Variants in SLC12A8 observed in about 807,000 individuals in gnomAD.
SLC12A8 encodes cation-chloride cotransporter 9.
A neutral mutation model predicts 75.6 loss-of-function variants in SLC12A8; 69 were observed. The observed-to-expected ratio is 0.91, with a 90% CI of 0.75 to 1.11. SLC12A8 has a LOEUF of 1.11. Ranked by LOEUF, SLC12A8 falls within the 50% of genes most tolerant of loss-of-function variation. SLC12A8 has a pLI of 0.00. For synonymous variants in SLC12A8, 365 were observed against 372.8 expected (o/e 0.98, Z 0.24); for missense variants, 877 against 896.7 (o/e 0.98, Z 0.28).
At chr3:125,139,903 A>C (rs958748854) in intron 5 of SLC12A8, among the ~76,000 whole-genome samples, 6 of 152,170 alleles carry the variant, frequency 3.9e-5, no homozygotes, top group Admixed American at 1.3e-4. Flanking sequence ...CACATTTTGC[A>C]TACCATTTTG....
intron 8 of SLC12A8, among the ~76,000 whole-genome samples, chr3:125,112,903 C>T (rs1041411784): frequency 6.6e-6 from 1 of 152,136 alleles, no homozygotes; most frequent in African/African-American, 2.4e-5. Context: ...AATGTGCAGC[C>T]GATGTGGAGA....
intron 4 of SLC12A8, among the ~76,000 whole-genome samples, 169 bp from the exon 5 acceptor site, chr3:125,178,143 C>T (rs1376921715): frequency 6.6e-6 from 1 of 152,152 alleles, no homozygotes; most frequent in Non-Finnish European, 1.5e-5. Flanking sequence ...CACCCGTGAA[C>T]CTGCCTCAGG....
intron 5 of SLC12A8, among the ~76,000 whole-genome samples, chr3:125,141,665 G>GGGGCTGCAGGCTGCGGGCTGC (rs756697387): frequency 1.5e-4 from 23 of 151,728 alleles, no homozygotes; most frequent in African/African-American, 5.3e-4. Flanking sequence ...AAATGATGCT[G>GGGGCTGCAGGCTGCGGGCTGC]GGGCTGCAGG....
intron 10 of SLC12A8, among the ~76,000 whole-genome samples, chr3:125,097,562 G>A (rs1034266422): frequency 1.0e-5 from 1 of 96,482 alleles, no homozygotes; most frequent in African/African-American, 3.2e-5. Flanking sequence ...GTGTGTGTGT[G>A]TGTGTGTGTG....
chr3:125,168,561 G>A (rs1399623784), intron 5 of SLC12A8, among the ~76,000 whole-genome samples: 1 of 152,208 alleles, frequency 6.6e-6, no homozygotes, highest in Non-Finnish European at 1.5e-5. Flanking sequence ...ACTGAGCCCC[G>A]TGGCCTCCCT....
chr3:125,188,862 T>C (rs1453431952), intron 3 of SLC12A8, among the ~76,000 whole-genome samples: 1 of 152,244 alleles, frequency 6.6e-6, no homozygotes, highest in East Asian at 1.9e-4. Context: ...AAACCTGAGC[T>C]GAGGATCTGA....
intron 5 of SLC12A8, among the ~76,000 whole-genome samples, chr3:125,175,889 C>A (rs375768047): frequency 5.3e-5 from 8 of 152,124 alleles, no homozygotes; most frequent in African/African-American, 1.9e-4. Flanking sequence ...CTGGGGTTAA[C>A]CCTTTAGGTG....
intron 2 of SLC12A8, among the ~76,000 whole-genome samples, chr3:125,207,859 G>A (rs11718913): frequency 0.51 from 78,174 of 151,844 alleles, 21,083 homozygotes; most frequent in African/African-American, 0.65. Flanking sequence ...TTCTGTGTGC[G>A]ATCGGCTTCA....
chr3:125,200,568 C>T (rs1462338389), intron 2 of SLC12A8, among the ~76,000 whole-genome samples: 1 of 152,106 alleles, frequency 6.6e-6, no homozygotes, highest in African/African-American at 2.4e-5. Flanking sequence ...ATTAGGGATA[C>T]CATTTATGGC....
chr3:125,134,749 A>T (rs922223806), intron 6 of SLC12A8, among the ~76,000 whole-genome samples: 2 of 152,158 alleles, frequency 1.3e-5, no homozygotes, highest in African/African-American at 4.8e-5. Context: ...TCAATCTTAG[A>T]CACTCTAGTA....
chr3:125,170,188 T>G (rs1934378661), intron 5 of SLC12A8, among the ~76,000 whole-genome samples: 1 of 152,254 alleles, frequency 6.6e-6, no homozygotes, highest in Admixed American at 6.5e-5. Flanking sequence ...TAGCTACTGT[T>G]AGTGATCGTT....
chr3:125,194,226 G>A (rs374383875), intron 2 of SLC12A8, among the ~76,000 whole-genome samples: 5 of 152,212 alleles, frequency 3.3e-5, no homozygotes, highest in Non-Finnish European at 7.3e-5. Flanking sequence ...GCGACTTGGC[G>A]CCTGGCCCAG....
intron 9 of SLC12A8, 43 bp from the exon 10 acceptor site, chr3:125,108,169 T>C (rs1017114279): frequency 1.9e-6 from 3 of 1,559,202 alleles, no homozygotes; most frequent in African/African-American, 2.7e-5. Flanking sequence ...AAATTTCAGA[T>C]AGAACGCTTC....
chr3:125,112,695 C>G (rs927863538), intron 8 of SLC12A8, among the ~76,000 whole-genome samples: 3 of 152,182 alleles, frequency 2.0e-5, no homozygotes, highest in Admixed American at 6.5e-5. Flanking sequence ...GTCTTCTCTA[C>G]CAAATGCAGC....
chr3:125,087,093 CTTTTT>C (rs369422119), intron 13 of SLC12A8, among the ~76,000 whole-genome samples: 1 of 131,252 alleles, frequency 7.6e-6, no homozygotes, highest in Admixed American at 7.8e-5. Context: ...ATGTATTTCA[CTTTTT>C]TTTTTTTTTT....
At chr3:125,180,379 T>C (rs960638982) in intron 4 of SLC12A8, among the ~76,000 whole-genome samples, 1 of 152,172 alleles carries the variant, frequency 6.6e-6, no homozygotes, top group African/African-American at 2.4e-5. Context: ...ATGATTTATG[T>C]AAAGACCTAG....
intron 4 of SLC12A8, among the ~76,000 whole-genome samples, chr3:125,186,776 C>T (rs1438901533): frequency 1.3e-5 from 2 of 152,240 alleles, no homozygotes; most frequent in African/African-American, 2.4e-5. Flanking sequence ...GTGAAGGCCA[C>T]CCGAGCTATC....
At chr3:125,177,677 C>A in intron 5 of SLC12A8, 66 bp downstream of exon 5, 1 of 1,358,040 alleles carries the variant, frequency 7.4e-7, no homozygotes, top group Non-Finnish European at 1.0e-6. Context: ...GGCAAACTCA[C>A]ACCTACAAAC....
chr3:125,109,845 T>C (rs771030106), intron 9 of SLC12A8, among the ~76,000 whole-genome samples: 2 of 152,184 alleles, frequency 1.3e-5, no homozygotes, highest in Non-Finnish European at 2.9e-5. Context: ...TCTTCTATGC[T>C]AAACCTGGAG....
Sources: allele counts gnomAD v4.1 joint callset (sites outside exome capture counted in the v4.1 genomes callset), GRCh38; gene constraint gnomAD v4.1.1; transcripts MANE v1.5; gene names NCBI Gene and HGNC (gene_info 2026-07-23, HGNC 2026-07-21).